The following USP13 variants were observed in gnomAD, a reference collection of about 807,000 sequenced individuals.
USP13 encodes the protein ubiquitin specific peptidase 13.
A neutral mutation model predicts 107.8 loss-of-function variants in USP13; 68 were observed. The observed-to-expected ratio is 0.63, with a 90% CI of 0.52 to 0.77. The LOEUF is 0.77. Among genes scored for constraint, USP13 ranks in the 30% least tolerant of loss-of-function variants. The probability of loss-of-function intolerance (pLI) is 0.00; values close to 1 mark genes in which losing one functional copy is unlikely to be tolerated. For synonymous variants in USP13, 377 were observed against 389.5 expected, an observed-to-expected ratio of 0.97 and a Z score of 0.38; for missense variants, 945 against 1,093.3, an observed-to-expected ratio of 0.86 and a Z score of 1.91.
intron 9 of USP13, 21 bp from the exon 10 acceptor site, chr3:179,730,595 C>T (rs3213761): frequency 0.72 from 1,121,738 of 1,566,162 alleles, 402,907 homozygotes; most frequent in Admixed American, 0.79. Flanking sequence ...CTTTTTGTTT[C>T]TGTTTCTCTG....
chr3:179,679,284 G>T (rs1330978547), intron 1 of USP13, among the ~76,000 whole-genome samples: 1 of 151,762 alleles, frequency 6.6e-6, no homozygotes, highest in Non-Finnish European at 1.5e-5. Flanking sequence ...ATTTTTATTG[G>T]AATTTAAACA....
intron 1 of USP13, among the ~76,000 whole-genome samples, chr3:179,668,556 C>T (rs998986373): frequency 2.0e-5 from 3 of 152,038 alleles, no homozygotes; most frequent in Non-Finnish European, 2.9e-5. Flanking sequence ...TTCTTTCTTT[C>T]TCTGTTTATT....
intron 2 of USP13, 114 bp downstream of exon 2, chr3:179,682,117 A>G (rs1368976594): frequency 1.3e-5 from 18 of 1,359,430 alleles, no homozygotes; most frequent in Non-Finnish European, 1.8e-5. Context: ...ATTCCCTTTG[A>G]CGATGAGAAA....
chr3:179,709,203 G>C (rs182555264), intron 6 of USP13, among the ~76,000 whole-genome samples: 1 of 152,324 alleles, frequency 6.6e-6, no homozygotes, highest in East Asian at 1.9e-4. Context: ...TGTGCATAAA[G>C]CATTTAGCTC....
At chr3:179,777,115 A>G (rs1715570581) in intron 19 of USP13, among the ~76,000 whole-genome samples, 1 of 152,090 alleles carries the variant, frequency 6.6e-6, no homozygotes, top group Non-Finnish European at 1.5e-5. Context: ...AAATAATAGG[A>G]CTAAGATTTA....
At chr3:179,664,159 C>T (rs1398932406) in intron 1 of USP13, among the ~76,000 whole-genome samples, 4 of 150,050 alleles carry the variant, frequency 2.7e-5, no homozygotes, top group South Asian at 4.2e-4. Flanking sequence ...CTTGGTCTGT[C>T]GCTCAGGCTG....
Position 179,653,651 on chromosome 3 carries a change from C to G in USP13, c.168+258C>G. 2.0e-6 allele frequency: 1 copy of G among 488,804 alleles called. No homozygotes were observed. Among genetic ancestry groups the G allele is most frequent in the Non-Finnish European group, 3.6e-6 (1 of 274,704 alleles). The allele number at this position is 488,804 out of a possible 1,614,324, so 30.3% of individuals were successfully genotyped here. Reference sequence around the variant, plus strand: ...CCGATTCCCAGCAGCTTGCACACAGCCCCGCCGCCGTTTAAAGATAGATGA... The same window carrying G: ...CCGATTCCCAGCAGCTTGCACACAGGCCCGCCGCCGTTTAAAGATAGATGA... On this transcript the variant is annotated intron_variant, in intron 1 of 20. Transcript: ENST00000263966. This position sits in a 1 kb window ranked among gnomAD's most constrained non-coding sequence, Gnocchi z 4.0.
At position 179,721,941 on chromosome 3, in the gene USP13, C is replaced by T. The variant is rs1056634335; in HGVS notation, c.1088+352C>T. On this transcript the variant is annotated intron_variant, in intron 8 of 20. Coordinates refer to ENST00000263966, the MANE Select transcript of USP13 (RefSeq NM_003940.3). The surrounding 1 kb of genome is among the most constrained non-coding windows in gnomAD (Gnocchi z 4.3). The stretch of plus-strand genomic sequence containing the variant: ...AAAATTAGCCAGGGGTGGTGGTGCA[C>T]GCCTGTAATTCCAGCTACTCAGGAG... Among the ~76,000 whole-genome samples, 24 of 151,830 alleles carry T rather than the reference C, an allele frequency of 1.6e-4. No individual in the cohort carries two copies. In the East Asian group the frequency reaches 3.3e-3, roughly 21 times the overall value.
At chr3:179,673,795 C>G (rs1305508040) in intron 1 of USP13, among the ~76,000 whole-genome samples, 3 of 152,158 alleles carry the variant, frequency 2.0e-5, no homozygotes, top group African/African-American at 7.2e-5. Context: ...AGACTTGGGC[C>G]GAGTTCACCT....
intron 1 of USP13, among the ~76,000 whole-genome samples, chr3:179,659,807 G>A (rs1576905809): frequency 6.6e-6 from 1 of 152,172 alleles, no homozygotes; most frequent in East Asian, 1.9e-4. Flanking sequence ...GGGAGGCTGA[G>A]GTGGGTGGAT....
intron 4 of USP13, among the ~76,000 whole-genome samples, chr3:179,706,635 T>A (rs1712727589): frequency 6.6e-6 from 1 of 152,198 alleles, no homozygotes; most frequent in African/African-American, 2.4e-5. Flanking sequence ...CACCTCCTAC[T>A]TTTCACCCTG....
At position 179,740,301 on chromosome 3, in the gene USP13, C is replaced by A; in HGVS notation, c.1309C>A (p.His437Asn). 1 of 1,614,144 alleles carries A rather than the reference C, an allele frequency of 6.2e-7. No homozygotes were observed. Among genetic ancestry groups the A allele is most frequent in the Non-Finnish European group, 8.5e-7 (1 of 1,180,028 alleles). Residue 437 changes from histidine to asparagine, a missense_variant, in exon 11 of 21, where the codon CAC becomes AAC. Coordinates refer to ENST00000263966, the MANE Select transcript of USP13 (RefSeq NM_003940.3). ...RMFKAFVSKS[H>N]PEFSSNRQQD... ...GTTTAAGGCCTTTGTAAGCAAGAGC[C>A]ACCCGGAATTCTCCTCTAACAGGCA...
At chr3:179,705,654 AT>A (rs1712686418) in intron 4 of USP13, among the ~76,000 whole-genome samples, 1 of 152,064 alleles carries the variant, frequency 6.6e-6, no homozygotes. Context: ...TACATACAAC[AT>A]TTTGTTTTAC....
In USP13 at chr3:179,730,237, A is replaced by G; in HGVS notation, c.1137A>G (p.Pro379=). Residue 379 remains proline, a synonymous_variant, in exon 9 of 21, where the codon CCA becomes CCG. Coordinates refer to ENST00000263966, the MANE Select transcript of USP13 (RefSeq NM_003940.3). ...TATTTGACTACTCGCCTTTAGATCC[A>G]ACACAAGATTTCAACACACAGATGT... ...PRIFDYSPLD[P]TQDFNTQMTK... is the part of the protein sequence containing the mutation. 6.2e-7 allele frequency: 1 copy of G among 1,612,702 alleles called. No individual in the cohort carries two copies. The highest frequency in any genetic ancestry group is 1.1e-5 in the South Asian group (1 of 90,438).
At chr3:179,663,831 C>T (rs1272911461) in intron 1 of USP13, among the ~76,000 whole-genome samples, 1 of 152,198 alleles carries the variant, frequency 6.6e-6, no homozygotes, top group Non-Finnish European at 1.5e-5. Flanking sequence ...TGCTCATGCT[C>T]TTGCGTTGGC....
In USP13 at chr3:179,653,275, G is replaced by C; in HGVS notation, c.50G>C (p.Arg17Thr). 1 of 1,568,430 alleles carries C rather than the reference G, an allele frequency of 6.4e-7. No homozygotes were observed. The highest frequency in any genetic ancestry group is 8.6e-7 in the Non-Finnish European group (1 of 1,157,470). Residue 17 changes from arginine (R) to threonine (T), a missense_variant, in exon 1 of 21, where the codon AGG (arginine) becomes ACG (threonine). Transcript: ENST00000263966. This position sits in a 1 kb window ranked among gnomAD's most constrained non-coding sequence, Gnocchi z 4.0. ...GGCATGCCGGGCGGCAGCGGAGGCA[G>C]GAAGATGGCTGCAGGAGACATCGGC... Reference protein sequence around the residue: ...LFGMPGGSGGRKMAAGDIGEL... With the variant: ...LFGMPGGSGGTKMAAGDIGEL...
chr3:179,749,616 T>TA (rs1310560294), intron 13 of USP13, among the ~76,000 whole-genome samples: 1 of 152,182 alleles, frequency 6.6e-6, no homozygotes, highest in African/African-American at 2.4e-5. Flanking sequence ...TGAGACCCTA[T>TA]AGAGATTACA....
chr3:179,690,812 G>A (rs1009440849), intron 3 of USP13, among the ~76,000 whole-genome samples: 3 of 152,128 alleles, frequency 2.0e-5, no homozygotes, highest in African/African-American at 4.8e-5. Flanking sequence ...GAGCTCAAGC[G>A]ATCCAACTGC....
At chr3:179,701,255 T>G in intron 4 of USP13, 126 bp downstream of exon 4, 2 of 1,266,562 alleles carry the variant, frequency 1.6e-6, no homozygotes, top group Non-Finnish European at 2.1e-6. Context: ...GAGAAGAGGA[T>G]GAAAATGAGC....
Sources: gnomAD v4.1 joint callset for allele counts (sites outside exome capture counted in the v4.1 genomes callset) on GRCh38, gnomAD v4.1.1 for gene constraint, Gnocchi (gnomAD v3.1) non-coding constraint, MANE v1.5 for transcripts, NCBI Gene and HGNC (gene_info 2026-07-23, HGNC 2026-07-21) for gene names.